Variants in SEPTIN7 observed in about 807,000 individuals in gnomAD.
SEPTIN7 encodes septin-7.
Under a neutral mutation model 63.3 loss-of-function variants are expected in SEPTIN7, and 10 were observed. That is an observed-to-expected ratio of 0.16 (90% CI 0.10 to 0.27). The LOEUF (loss-of-function observed/expected upper bound fraction) is 0.27, where lower values mean the gene tolerates loss of function less well. Ranked by LOEUF, SEPTIN7 falls within the 10% of genes least tolerant of loss-of-function variation. SEPTIN7 has a pLI of 1.00. For missense variants in SEPTIN7, 310 were observed against 521.0 expected (o/e 0.59, Z 3.94); for synonymous variants, 131 against 165.3 (o/e 0.79, Z 1.59).
chr7:35,847,119 TA>T lies in SEPTIN7; in HGVS notation c.169+14220del, dbSNP rs539509295. 1.3e-3 allele frequency: 232 copies of T among 183,316 alleles called. 1 individual carries two copies. Among genetic ancestry groups the T allele is most frequent in the African/African-American group, 4.9e-3 (207 of 42,618 alleles). The allele number at this position is 183,316 out of a possible 1,614,324, so 11.4% of individuals were successfully genotyped here. A position where few individuals can be genotyped will look rare whatever the true frequency, so the allele number is the denominator to read the frequency against. On this transcript the variant is annotated intron_variant, in intron 3 of 13. Coordinates refer to ENST00000350320, the MANE Select transcript of SEPTIN7 (RefSeq NM_001788.6). ...TACGGGAGTCTGCAGCTGTGACACA[TA>T]GAAGTTGGCCGTGTCCAGATTGGTG...
chr7:35,878,865 G>A (rs780078311), intron 6 of SEPTIN7, among the ~76,000 whole-genome samples: 3 of 152,120 alleles, frequency 2.0e-5, no homozygotes, highest in Non-Finnish European at 2.9e-5. Flanking sequence ...ACACAAACCT[G>A]GAACTTAACA....
chr7:35,824,157 C>T (rs1460121666), intron 1 of SEPTIN7, among the ~76,000 whole-genome samples: 1 of 151,856 alleles, frequency 6.6e-6, no homozygotes, highest in Non-Finnish European at 1.5e-5. Flanking sequence ...TTCCAGTCTG[C>T]CTTCTTCCCC....
intron 1 of SEPTIN7, among the ~76,000 whole-genome samples, chr7:35,820,949 A>G (rs10248491): frequency 0.42 from 64,283 of 151,896 alleles, 14,050 homozygotes; most frequent in African/African-American, 0.52. Context: ...TGTCACTGAA[A>G]TCTCTGCTTG....
chr7:35,867,433 T>A (rs1356027600), intron 4 of SEPTIN7, among the ~76,000 whole-genome samples: 1 of 152,234 alleles, frequency 6.6e-6, no homozygotes, highest in Non-Finnish European at 1.5e-5. Context: ...CACTACAACC[T>A]CCACCTCCAA....
intron 3 of SEPTIN7, among the ~76,000 whole-genome samples, chr7:35,836,170 CAT>C (rs950728673): frequency 1.4e-3 from 216 of 152,188 alleles, no homozygotes; most frequent in African/African-American, 5.0e-3. Flanking sequence ...ATAATGAAGA[CAT>C]GTAGATCTCT....
intron 3 of SEPTIN7, among the ~76,000 whole-genome samples, chr7:35,856,260 C>T (rs1357511803): frequency 6.6e-6 from 1 of 152,204 alleles, no homozygotes; most frequent in African/African-American, 2.4e-5. Context: ...AGATTGGCTT[C>T]TTTCGCTCAC....
intron 3 of SEPTIN7, among the ~76,000 whole-genome samples, chr7:35,834,283 C>G (rs1783975330): frequency 6.6e-6 from 1 of 151,930 alleles, no homozygotes; most frequent in East Asian, 1.9e-4. Flanking sequence ...TTTCCTTTGA[C>G]TTTAGAATTT....
chr7:35,904,353 GT>G lies in SEPTIN7; in HGVS notation c.*63del. 1 of 1,391,246 alleles carries G rather than the reference GT, an allele frequency of 7.2e-7. No individual in the cohort carries two copies. The highest frequency in any genetic ancestry group is 9.8e-7 in the Non-Finnish European group (1 of 1,024,762). 86.2% of individuals were successfully genotyped at this position (1,391,246 alleles called of 1,614,324 possible). A position where few individuals can be genotyped will look rare whatever the true frequency, so the allele number is the denominator to read the frequency against. ...CCAATATGCCAGCTTGGACATCAGT[GT>G]TTGTTGGATCCGTTTGACCAATTTG... On this transcript the variant is annotated 3_prime_UTR_variant, in exon 14 of 14. Coordinates refer to ENST00000350320, the MANE Select transcript of SEPTIN7 (RefSeq NM_001788.6).
intron 3 of SEPTIN7, among the ~76,000 whole-genome samples, 153 bp downstream of exon 3, chr7:35,833,053 C>T (rs1430458704): frequency 6.6e-6 from 1 of 151,992 alleles, no homozygotes; most frequent in Non-Finnish European, 1.5e-5. Context: ...TAAAATTTAA[C>T]TCAGTGGCAT....
At chr7:35,826,965 C>G (rs1783548397) in intron 1 of SEPTIN7, among the ~76,000 whole-genome samples, 1 of 152,054 alleles carries the variant, frequency 6.6e-6, no homozygotes, top group Non-Finnish European at 1.5e-5. Flanking sequence ...CGTGCTGTTA[C>G]TTGAATATAT....
chr7:35,897,088 C>T lies in SEPTIN7; in HGVS notation c.999-1160C>T, dbSNP rs578235411. Among the ~76,000 whole-genome samples the T allele has an allele frequency of 2.0e-5, 3 of 152,166 alleles. No individual in the cohort carries two copies. The East Asian group carries it at 5.8e-4, about 29-fold the overall frequency. Reference sequence around the variant, plus strand: ...TCAAATCAGGGTTAAAATGACTAGCCTTAAAGTTACGGGTGAAATCCAAGG... The same window carrying T: ...TCAAATCAGGGTTAAAATGACTAGCTTTAAAGTTACGGGTGAAATCCAAGG... On this transcript the variant is annotated intron_variant, in intron 11 of 13. Coordinates refer to ENST00000350320, the MANE Select transcript of SEPTIN7 (RefSeq NM_001788.6).
At chr7:35,903,518 T>C (rs1318491190) in intron 13 of SEPTIN7, among the ~76,000 whole-genome samples, 1 of 152,190 alleles carries the variant, frequency 6.6e-6, no homozygotes, top group South Asian at 2.1e-4. Context: ...CCCCAGTTGT[T>C]GGACATAAGG....
intron 11 of SEPTIN7, among the ~76,000 whole-genome samples, chr7:35,896,445 C>G (rs937495803): frequency 2.0e-5 from 3 of 152,086 alleles, no homozygotes; most frequent in African/African-American, 2.4e-5. Context: ...CTTTGAAAAT[C>G]TAACAAAAGC....
intron 1 of SEPTIN7, among the ~76,000 whole-genome samples, chr7:35,818,741 A>G (rs1789239783): frequency 6.6e-6 from 1 of 151,956 alleles, no homozygotes; most frequent in Admixed American, 6.6e-5. Context: ...CTAGGTTATA[A>G]TCTGATCTGT....
chr7:35,901,486 T>C (rs151211961), intron 12 of SEPTIN7: 7 of 152,336 alleles, frequency 4.6e-5, no homozygotes, highest in African/African-American at 1.4e-4. Flanking sequence ...TTTATAAATA[T>C]AGTGTATACT....
the SEPTIN7 span, among the ~76,000 whole-genome samples, chr7:35,912,741 T>C: frequency 6.6e-6 from 1 of 152,212 alleles, no homozygotes; most frequent in African/African-American, 2.4e-5. Context: ...CCCTTCTAAG[T>C]TGTAAGATCT....
At chr7:35,827,794 T>C (rs1383295593) in intron 1 of SEPTIN7, among the ~76,000 whole-genome samples, 4 of 152,128 alleles carry the variant, frequency 2.6e-5, no homozygotes, top group Non-Finnish European at 5.9e-5. Flanking sequence ...CCTGGCCAAA[T>C]TATTAGTATA....
At chr7:35,826,565 G>A (rs370879266) in intron 1 of SEPTIN7, among the ~76,000 whole-genome samples, 15 of 151,708 alleles carry the variant, frequency 9.9e-5, no homozygotes, top group East Asian at 3.8e-4. Context: ...TTTGAGGTGC[G>A]CATTATAATC....
chr7:35,863,804 A>AT, intron 4 of SEPTIN7, 146 bp downstream of exon 4: 2 of 485,496 alleles, frequency 4.1e-6, no homozygotes. Context: ...ACTTCATAAA[A>AT]TTTAAAAAAA....
Sources: allele counts gnomAD v4.1 joint callset (sites outside exome capture counted in the v4.1 genomes callset), GRCh38; gene constraint gnomAD v4.1.1; transcripts MANE v1.5; gene names NCBI Gene and HGNC (gene_info 2026-07-23, HGNC 2026-07-21).